RAB3IP: variants seen among roughly 807,000 people sequenced by gnomAD.
The protein encoded by RAB3IP is rab-3A-interacting protein.
In RAB3IP, 36 loss-of-function variants were observed where a neutral mutation model predicts 59.1. The observed-to-expected ratio is 0.61, with a 90% CI of 0.47 to 0.80. The LOEUF (loss-of-function observed/expected upper bound fraction) is 0.80, where lower values mean the gene tolerates loss of function less well. RAB3IP is among the 30% of genes least tolerant of loss of function. The probability of loss-of-function intolerance (pLI) is 0.00; values close to 1 mark genes in which losing one functional copy is unlikely to be tolerated. For missense variants in RAB3IP, 511 were observed against 536.0 expected, an observed-to-expected ratio of 0.95 and a Z score of 0.46; for synonymous variants, 207 against 191.2, an observed-to-expected ratio of 1.08 and a Z score of -0.68.
In RAB3IP at chr12:69,755,539, AC is replaced by A; in HGVS notation, c.134del (p.Pro45LeufsTer14). ...TCACCAAGTGTCATCTACCGGCCAC[AC>A]CCTTCAGCTTTATCCTCTGTACCTA... ...TTSPSVIYRP[H>X]PSALSSVPIQ... On this transcript the variant is annotated frameshift_variant, in exon 2 of 11. Coordinates refer to ENST00000247833, the MANE Select transcript of RAB3IP (RefSeq NM_022456.5). LOFTEE classifies it high-confidence loss of function. 6.2e-7 allele frequency: 1 copy of A among 1,613,938 alleles called. No homozygotes were observed.
rs376513074 is a variant in RAB3IP at position 69,820,075 on chromosome 12, T to G, written c.*4629T>G. ...ATCCAGTCTAAAACGGGTCTGCTTT[T>G]ATTCATAGGCTTTTGTTTTCAGTGG... On this transcript the variant is annotated 3_prime_UTR_variant, in exon 11 of 11. Coordinates refer to ENST00000247833, the MANE Select transcript of RAB3IP (RefSeq NM_022456.5). 4.6e-5 allele frequency: 7 copies of G among 152,392 alleles called. No homozygotes were observed. In the East Asian group the frequency reaches 9.6e-4, roughly 21 times the overall value. The allele number at this position is 152,392 out of a possible 1,614,324, so 9.4% of individuals were successfully genotyped here.
upstream of RAB3IP, chr12:69,738,856 C>T (rs1886938874): frequency 6.6e-6 from 1 of 152,326 alleles, no homozygotes; most frequent in East Asian, 1.9e-4. Flanking sequence ...GCCCCGCTTC[C>T]GGCGCAGGCG....
intron 4 of RAB3IP, among the ~76,000 whole-genome samples, chr12:69,789,296 G>T (rs1354588796): frequency 2.0e-5 from 3 of 151,922 alleles, no homozygotes; most frequent in African/African-American, 7.2e-5. Context: ...AATCAGAAAT[G>T]AAAGAGGAGG....
intron 3 of RAB3IP, among the ~76,000 whole-genome samples, chr12:69,772,016 C>T (rs898560056): frequency 3.9e-5 from 6 of 151,996 alleles, no homozygotes; most frequent in Middle Eastern, 3.2e-3. Flanking sequence ...GAGTTGTTTC[C>T]GTTTCTGGGA....
At chr12:69,761,534 A>C (rs1871307615) in intron 3 of RAB3IP, among the ~76,000 whole-genome samples, 1 of 152,168 alleles carries the variant, frequency 6.6e-6, no homozygotes. Context: ...ACTCATTTAT[A>C]TTACTTCATT....
rs1344140275 is a variant in RAB3IP at position 69,822,889 on chromosome 12, C to T, written c.*7443C>T. The T allele has an allele frequency of 6.6e-6, 1 of 152,216 alleles. No individual in the cohort carries two copies. The highest frequency in any genetic ancestry group is 1.5e-5 in the Non-Finnish European group (1 of 68,036). The allele number at this position is 152,216 out of a possible 1,614,324, so 9.4% of individuals were successfully genotyped here. A position where few individuals can be genotyped will look rare whatever the true frequency, so the allele number is the denominator to read the frequency against. On this transcript the variant is annotated 3_prime_UTR_variant, in exon 11 of 11. Coordinates refer to ENST00000247833, the MANE Select transcript of RAB3IP (RefSeq NM_022456.5). The stretch of plus-strand genomic sequence containing the variant: ...TCTCGCACCATACTAGGCACACAAT[C>T]TCTGTACCTGTGCTGTCTTCCAAGC...
intron 3 of RAB3IP, among the ~76,000 whole-genome samples, chr12:69,758,926 T>C (rs560734553): frequency 6.6e-6 from 1 of 151,966 alleles, no homozygotes; most frequent in African/African-American, 2.4e-5. Flanking sequence ...AGAAGCCAGC[T>C]GTCAATGTAG....
chr12:69,822,372 C>A lies in RAB3IP; in HGVS notation c.*6926C>A, dbSNP rs1035362673. The A allele has an allele frequency of 2.6e-5, 4 of 152,044 alleles. No individual in the cohort carries two copies. The highest frequency in any genetic ancestry group is 9.7e-5 in the African/African-American group (4 of 41,368). 9.4% of individuals were successfully genotyped at this position (152,044 alleles called of 1,614,324 possible). On this transcript the variant is annotated 3_prime_UTR_variant, in exon 11 of 11. Transcript: ENST00000247833. ...AGCCAACACATTCTGCCACAGAGAT[C>A]TCTCTGAGTTAAATGGGATTGTATC...
intron 8 of RAB3IP, among the ~76,000 whole-genome samples, chr12:69,810,447 C>A (rs1344471640): frequency 6.6e-6 from 1 of 152,184 alleles, no homozygotes; most frequent in Non-Finnish European, 1.5e-5. Flanking sequence ...GCAGAAATCA[C>A]CCGTCTTCTG....
rs774027131 is a variant in RAB3IP at position 69,817,655 on chromosome 12, C to CACACACACACAT, written c.*2220_*2221insTACACACACACA. 1.1e-5 allele frequency: 1 copy of CACACACACACAT among 93,900 alleles called. No homozygotes were observed. Among genetic ancestry groups the CACACACACACAT allele is most frequent in the Admixed American group, 9.9e-5 (1 of 10,150 alleles). The allele number at this position is 93,900 out of a possible 1,614,324, so 5.8% of individuals were successfully genotyped here. On this transcript the variant is annotated 3_prime_UTR_variant, in exon 11 of 11. Transcript: ENST00000247833. Reference sequence around the variant, plus strand: ...GGGAAAAATAGGGAAACTCCATTTACACACACACACACACACACACACACA... The same window carrying CACACACACACAT: ...GGGAAAAATAGGGAAACTCCATTTACACACACACACATACACACACACACACACACACACACA...
At chr12:69,808,805 G>A (rs966428301) in intron 8 of RAB3IP, among the ~76,000 whole-genome samples, 1 of 152,162 alleles carries the variant, frequency 6.6e-6, no homozygotes, top group African/African-American at 2.4e-5. Context: ...CTGCACATGA[G>A]ATGGGTTTCC....
At chr12:69,755,281 A>G in intron 1 of RAB3IP, 103 bp from the exon 2 acceptor site, 1 of 1,053,646 alleles carries the variant, frequency 9.5e-7, no homozygotes, top group Non-Finnish European at 1.4e-6. Flanking sequence ...GTAAGCTTAT[A>G]ATTTACAATG....
chr12:69,743,580 G>A (rs190917694), intron 1 of RAB3IP, among the ~76,000 whole-genome samples: 4 of 152,262 alleles, frequency 2.6e-5, no homozygotes, highest in African/African-American at 9.6e-5. Context: ...GTAGGCAGGG[G>A]AGATAATATC....
intron 4 of RAB3IP, among the ~76,000 whole-genome samples, chr12:69,789,833 T>C (rs1162155239): frequency 1.3e-5 from 2 of 152,102 alleles, no homozygotes; most frequent in East Asian, 1.9e-4. Flanking sequence ...TATAATAATA[T>C]ACATTATAAT....
intron 3 of RAB3IP, among the ~76,000 whole-genome samples, chr12:69,778,412 G>A (rs1204786114): frequency 7.9e-6 from 1 of 126,982 alleles, no homozygotes; most frequent in East Asian, 2.4e-4. Flanking sequence ...TCTTCTCTCA[G>A]CTCGTCAAAA....
chr12:69,808,723 C>G (rs1048075768), intron 8 of RAB3IP, among the ~76,000 whole-genome samples: 1 of 152,040 alleles, frequency 6.6e-6, no homozygotes, highest in Non-Finnish European at 1.5e-5. Context: ...GATTACAACC[C>G]CTGCCTTTTT....
At chr12:69,771,035 A>G (rs1873020967) in intron 3 of RAB3IP, among the ~76,000 whole-genome samples, 1 of 152,198 alleles carries the variant, frequency 6.6e-6, no homozygotes, top group Non-Finnish European at 1.5e-5. Context: ...AGCTTTTGAT[A>G]ACCGCTATTC....
intron 8 of RAB3IP, chr12:69,811,914 C>T (rs762007107): frequency 7.9e-5 from 12 of 151,970 alleles, no homozygotes; most frequent in Non-Finnish European, 1.6e-4. Context: ...TGCTGTTTGC[C>T]ACTTACTTAG....
intron 1 of RAB3IP, among the ~76,000 whole-genome samples, chr12:69,752,326 T>C (rs974851272): frequency 6.8e-6 from 1 of 146,534 alleles, no homozygotes; most frequent in African/African-American, 2.5e-5. Flanking sequence ...AAAAATTATA[T>C]ATATATATTT....
Sources: gnomAD v4.1 joint callset for allele counts (sites outside exome capture counted in the v4.1 genomes callset) on GRCh38, gnomAD v4.1.1 for gene constraint, MANE v1.5 for transcripts, NCBI Gene and HGNC (gene_info 2026-07-23, HGNC 2026-07-21) for gene names.